The following BCL9L variants were observed in gnomAD, a reference collection of about 807,000 sequenced individuals.
BCL9L encodes BCL9 like.
Under a neutral mutation model 99.4 loss-of-function variants are expected in BCL9L, and 19 were observed. The ratio of observed to expected loss-of-function variants is 0.19; its 90% confidence interval spans 0.13 to 0.28. BCL9L has a LOEUF of 0.28. Among genes scored for constraint, BCL9L ranks in the 10% least tolerant of loss-of-function variants. The pLI is 1.00. For missense variants in BCL9L, 2,023 were observed against 2,101.6 expected, an observed-to-expected ratio of 0.96 and a Z score of 0.73; for synonymous variants, 900 against 854.8, an observed-to-expected ratio of 1.05 and a Z score of -0.92.
In BCL9L at chr11:118,901,016, C is replaced by T; in HGVS notation, c.2727G>A (p.Gly909=). The T allele has an allele frequency of 6.4e-7, 1 of 1,560,178 alleles. No individual in the cohort carries two copies. Among genetic ancestry groups the T allele is most frequent in the Non-Finnish European group, 8.7e-7 (1 of 1,152,118 alleles). ...TGAGGTCCGAAGGCCGCCTGCCTAG[C>T]CCCCGGTTTGGGGCTGAATGCACGG... ...PGTVHSAPNR[G]LGRRPSDLTI... Residue 909 remains glycine, a synonymous_variant, in exon 8 of 10, where the codon GGG becomes GGA. Coordinates refer to ENST00000683865, the MANE Select transcript of BCL9L (RefSeq NM_001378213.1). This position sits in a 1 kb window ranked among gnomAD's most constrained non-coding sequence, Gnocchi z 6.6.
In BCL9L at chr11:118,903,367, C is replaced by T. The variant is rs1940374111; in HGVS notation, c.618G>A (p.Val206=). Residue 206 remains valine (V), a synonymous_variant, in exon 6 of 10, where the codon GTG becomes GTA. Transcript: ENST00000683865. This position sits in a 1 kb window ranked among gnomAD's most constrained non-coding sequence, Gnocchi z 5.6. ...GAGGAGGGCCGTGCGGGGCGCCTGG[C>T]ACGCTGCTCTCGCTGAGGGGCAGTT... is the stretch of plus-strand genomic sequence containing the variant. ...TTQLPLSESS[V]PGAPHGPPPG... 4 of 1,608,142 alleles carry T rather than the reference C, an allele frequency of 2.5e-6. No individual in the cohort carries two copies. Among genetic ancestry groups the T allele is most frequent in the Non-Finnish European group, 3.4e-6 (4 of 1,177,580 alleles).
In BCL9L at chr11:118,902,300, G is replaced by GC; in HGVS notation, c.1442dup (p.Leu484AlafsTer4). On this transcript the variant is annotated frameshift_variant, in exon 8 of 10. Transcript: ENST00000683865. LOFTEE classifies it high-confidence loss of function. This position sits in a 1 kb window ranked among gnomAD's most constrained non-coding sequence, Gnocchi z 7.8. ...CAGGCACTTCATGCTCCAGCGGGGG[G>GC]CCCCCTAGGCTCTGTGTCTGTGAAA... 1 of 1,568,662 alleles carries GC rather than the reference G, an allele frequency of 6.4e-7. No homozygotes were observed. Among genetic ancestry groups the GC allele is most frequent in the East Asian group, 2.3e-5 (1 of 44,394 alleles).
rs745625925 is a variant in BCL9L, at chr11:118,898,556, G to A, written c.4359C>T (p.Leu1453=). The change falls in exon 10 of 10, where the codon CTC becomes CTT. Residue 1453 remains leucine (L), a synonymous_variant. Transcript: ENST00000683865. ...GGCCCATGAGGGAGCCCTGCGGGGA[G>A]AGCATGTGGGGCGGCTGGCTGTAGA... ...GEVYSQPPHM[L]SPQGSLMGPP... 11 of 1,606,972 alleles carry A rather than the reference G, an allele frequency of 6.8e-6. No individual in the cohort carries two copies. The highest frequency in any genetic ancestry group is 9.4e-6 in the Non-Finnish European group (11 of 1,176,234).
intron 2 of BCL9L, among the ~76,000 whole-genome samples, chr11:118,918,055 TG>T (rs913571919): frequency 1.2e-4 from 19 of 152,188 alleles, no homozygotes; most frequent in African/African-American, 4.3e-4. Flanking sequence ...TGGTGTCCCT[TG>T]GGGGGTGGCT....
At chr11:118,910,447 G>T in intron 2 of BCL9L, 1 of 159,672 alleles carries the variant, frequency 6.3e-6, no homozygotes, top group Non-Finnish European at 1.4e-5. Context: ...GCCCCGCCCC[G>T]TCCCCAGCTC....
Position 118,899,082 on chromosome 11 carries a change from T to G in BCL9L, c.3833A>C (p.Gln1278Pro), listed in dbSNP as rs1940075001. 6.2e-7 allele frequency: 1 copy of G among 1,603,906 alleles called. No homozygotes were observed. The highest frequency in any genetic ancestry group is 1.3e-5 in the African/African-American group (1 of 74,902). ...AGCCATGGCTTTGCCCATCAGGTGCTGCTGGGGAGGCATGGGGCCTGGCGG... is the reference window on the plus strand; with the variant it reads ...AGCCATGGCTTTGCCCATCAGGTGCGGCTGGGGAGGCATGGGGCCTGGCGG... ...NQPPGPMPPQ[Q>P]HLMGKAMAGR... Residue 1278 changes from glutamine (Q) to proline (P), a missense_variant, in exon 10 of 10, where the codon CAG becomes CCG. Coordinates refer to ENST00000683865, the MANE Select transcript of BCL9L (RefSeq NM_001378213.1).
chr11:118,913,719 T>A (rs901623437), intron 2 of BCL9L, among the ~76,000 whole-genome samples: 2 of 110,618 alleles, frequency 1.8e-5, no homozygotes, highest in Admixed American at 1.4e-4. Context: ...GAGAGAGGAG[T>A]GCCAAAAGCT....
In BCL9L at chr11:118,903,369, C is replaced by G; in HGVS notation, c.616G>C (p.Val206Leu). Residue 206 changes from valine to leucine, a missense_variant, in exon 6 of 10, where the codon GTG (valine) becomes CTG (leucine). By Grantham distance (32) the Val-to-Leu change is conservative (BLOSUM62 1). Transcript: ENST00000683865. The surrounding 1 kb of genome is among the most constrained non-coding windows in gnomAD (Gnocchi z 5.6). ...TTQLPLSESS[V>L]PGAPHGPPPG... is the part of the protein sequence containing the mutation. ...GGAGGGCCGTGCGGGGCGCCTGGCA[C>G]GCTGCTCTCGCTGAGGGGCAGTTGG... 1 of 1,608,518 alleles carries G rather than the reference C, an allele frequency of 6.2e-7. No individual in the cohort carries two copies. The highest frequency in any genetic ancestry group is 8.5e-7 in the Non-Finnish European group (1 of 1,177,752).
Position 118,900,211 on chromosome 11 carries a change from G to A in BCL9L, c.3125-13C>T. 2 of 1,580,208 alleles carry A rather than the reference G, an allele frequency of 1.3e-6. No individual in the cohort carries two copies. Among genetic ancestry groups the A allele is most frequent in the Non-Finnish European group, 8.6e-7 (1 of 1,160,366 alleles). On this transcript the variant is annotated splice_polypyrimidine_tract_variant and intron_variant, in intron 8 of 9. Transcript: ENST00000683865. The surrounding 1 kb of genome is among the most constrained non-coding windows in gnomAD (Gnocchi z 5.3). The stretch of plus-strand genomic sequence containing the variant: ...GGCGGGAGGGTACCTACAGAAACGG[G>A]GAGACAAAGAGAGCAGGGGTGACTG...
chr11:118,898,967 G>A lies in BCL9L; in HGVS notation c.3948C>T (p.Pro1316=), dbSNP rs1940064943. The change falls in exon 10 of 10, where the codon CCC becomes CCT. Residue 1316 remains proline, a synonymous_variant. Coordinates refer to ENST00000683865, the MANE Select transcript of BCL9L (RefSeq NM_001378213.1). ...NDPELSEVIR[P]TPTGIPEFDL... is the part of the protein sequence containing the mutation. Reference sequence around the variant, plus strand: ...CGAACTCGGGGATCCCCGTTGGGGTGGGCCGGATCACCTCGCTCAGCTCGG... The same window carrying A: ...CGAACTCGGGGATCCCCGTTGGGGTAGGCCGGATCACCTCGCTCAGCTCGG... The A allele has an allele frequency of 6.2e-7, 1 of 1,613,146 alleles. No homozygotes were observed. The highest frequency in any genetic ancestry group is 8.5e-7 in the Non-Finnish European group (1 of 1,179,340).
At chr11:118,911,148 G>T (rs1339677360) in intron 2 of BCL9L, 2 of 445,438 alleles carry the variant, frequency 4.5e-6, no homozygotes, top group Non-Finnish European at 4.5e-6. Flanking sequence ...CAAACACAGA[G>T]GCCTCACCCA....
Position 118,903,222 on chromosome 11 carries a change from C to T in BCL9L, c.749+14G>A. On this transcript the variant is annotated intron_variant, in intron 6 of 9. Transcript: ENST00000683865. This position sits in a 1 kb window ranked among gnomAD's most constrained non-coding sequence, Gnocchi z 5.6. ...GAGAGAGAGAGAGACTTGGCCTGCCCACCAGGCACTTACGTGTTGGCCAGG... is the reference window on the plus strand; with the variant it reads ...GAGAGAGAGAGAGACTTGGCCTGCCTACCAGGCACTTACGTGTTGGCCAGG... The T allele has an allele frequency of 6.3e-7, 1 of 1,592,062 alleles. No individual in the cohort carries two copies. The highest frequency in any genetic ancestry group is 8.5e-7 in the Non-Finnish European group (1 of 1,170,826).
chr11:118,919,286 G>A (rs1941077708), intron 1 of BCL9L, among the ~76,000 whole-genome samples: 1 of 151,602 alleles, frequency 6.6e-6, no homozygotes, highest in Admixed American at 6.6e-5. Flanking sequence ...AGAGGGATGG[G>A]GAGGTTGGAG....
At chr11:118,899,803 C>A in intron 9 of BCL9L, 114 bp downstream of exon 9, 4 of 1,399,022 alleles carry the variant, frequency 2.9e-6, no homozygotes, top group Non-Finnish European at 3.8e-6. Flanking sequence ...GAGCCTCCAC[C>A]CCCACACCCA....
At chr11:118,907,210 A>G (rs1940557563) in intron 5 of BCL9L, among the ~76,000 whole-genome samples, 1 of 152,188 alleles carries the variant, frequency 6.6e-6, no homozygotes, top group African/African-American at 2.4e-5. Context: ...AGCATAGGCC[A>G]GGAATTCACA....
intron 1 of BCL9L, among the ~76,000 whole-genome samples, chr11:118,924,743 G>A (rs903632555): frequency 2.6e-5 from 4 of 152,138 alleles, no homozygotes; most frequent in African/African-American, 9.7e-5. Flanking sequence ...CTTGGAAGAA[G>A]AGACTCCTCA....
Position 118,898,520 on chromosome 11 carries a change from C to T in BCL9L, c.4395G>A (p.Gln1465=), listed in dbSNP as rs763712696. 2.1e-5 allele frequency: 34 copies of T among 1,600,104 alleles called. No individual in the cohort carries two copies. In the Admixed American group the frequency reaches 4.6e-4, roughly 21 times the overall value. The change falls in exon 10 of 10, where the codon CAG becomes CAA. Residue 1465 remains glutamine (Q), a synonymous_variant. Coordinates refer to ENST00000683865, the MANE Select transcript of BCL9L (RefSeq NM_001378213.1). Reference sequence around the variant, plus strand: ...GGGGGTGGGACACCATGAGGTTCTGCTGGGGCGGGGGGCCCATGAGGGAGC... The same window carrying T: ...GGGGGTGGGACACCATGAGGTTCTGTTGGGGCGGGGGGCCCATGAGGGAGC... ...PQGSLMGPPP[Q]QNLMVSHPLR... is the part of the protein sequence containing the mutation.
intron 1 of BCL9L, among the ~76,000 whole-genome samples, chr11:118,920,651 C>T (rs907903008): frequency 5.3e-5 from 8 of 152,166 alleles, no homozygotes; most frequent in Non-Finnish European, 1.5e-5. Context: ...CACCGAGCCT[C>T]TCTGTAACAA....
chr11:118,914,997 A>G lies in BCL9L; in HGVS notation c.-77+3829T>C, dbSNP rs879887492. ...CTACAAACACAAAAATTATCCAGACATGGTGGTGGGCGCCTGTAATCCTAG... is the reference window on the plus strand; with the variant it reads ...CTACAAACACAAAAATTATCCAGACGTGGTGGTGGGCGCCTGTAATCCTAG... On this transcript the variant is annotated intron_variant, in intron 2 of 9. Transcript: ENST00000683865. The surrounding 1 kb of genome is among the most constrained non-coding windows in gnomAD (Gnocchi z 4.4). Among the ~76,000 whole-genome samples, 2 of 152,082 alleles carry G rather than the reference A, an allele frequency of 1.3e-5. No homozygotes were observed. The highest frequency in any genetic ancestry group is 2.9e-5 in the Non-Finnish European group (2 of 68,002).
Sources: allele counts gnomAD v4.1 joint callset (sites outside exome capture counted in the v4.1 genomes callset), GRCh38; gene constraint gnomAD v4.1.1; non-coding constraint Gnocchi (gnomAD v3.1); transcripts MANE v1.5; gene names NCBI Gene and HGNC (gene_info 2026-07-23, HGNC 2026-07-21).